The following SLC25A12 variants were observed in gnomAD, a reference collection of about 807,000 sequenced individuals.
SLC25A12 encodes electrogenic aspartate/glutamate antiporter SLC25A12, mitochondrial.
Under a neutral mutation model 83.3 loss-of-function variants are expected in SLC25A12, and 32 were observed. The observed-to-expected ratio is 0.38, with a 90% CI of 0.29 to 0.52. The LOEUF (loss-of-function observed/expected upper bound fraction) is 0.52. Among genes scored for constraint, SLC25A12 ranks in the 20% least tolerant of loss-of-function variants. The pLI is 0.84. For synonymous variants in SLC25A12, 267 were observed against 291.1 expected (o/e 0.92, Z 0.84); for missense variants, 611 against 835.6 (o/e 0.73, Z 3.31).
intron 13 of SLC25A12, among the ~76,000 whole-genome samples, chr2:171,794,037 G>T (rs1163451922): frequency 6.6e-6 from 1 of 151,938 alleles, no homozygotes; most frequent in African/African-American, 2.4e-5. Flanking sequence ...GTCTTTCCAG[G>T]ATCACCCCAG....
At chr2:171,872,096 C>A (rs1164952702) in intron 2 of SLC25A12, among the ~76,000 whole-genome samples, 1 of 151,728 alleles carries the variant, frequency 6.6e-6, no homozygotes, top group Admixed American at 6.6e-5. Flanking sequence ...ACTATAAAAG[C>A]CATTCTTGAA....
intron 9 of SLC25A12, among the ~76,000 whole-genome samples, chr2:171,817,193 T>G (rs1052118144): frequency 5.9e-5 from 9 of 152,152 alleles, no homozygotes; most frequent in Admixed American, 5.2e-4. Context: ...CTAAACCACC[T>G]ATGGTAATTT....
At chr2:171,862,788 C>G (rs1441825920) in intron 3 of SLC25A12, among the ~76,000 whole-genome samples, 1 of 152,132 alleles carries the variant, frequency 6.6e-6, no homozygotes, top group Non-Finnish European at 1.5e-5. Context: ...ATGATAGAAC[C>G]AAGGAACACA....
intron 4 of SLC25A12, among the ~76,000 whole-genome samples, chr2:171,852,114 A>C (rs1339090300): frequency 6.6e-6 from 1 of 152,216 alleles, no homozygotes; most frequent in Non-Finnish European, 1.5e-5. Flanking sequence ...ATCAAAGAGG[A>C]AACAATTAAC....
intron 9 of SLC25A12, among the ~76,000 whole-genome samples, chr2:171,816,824 T>C (rs1215058834): frequency 6.6e-6 from 1 of 152,218 alleles, no homozygotes; most frequent in East Asian, 1.9e-4. Flanking sequence ...TGATATTTAA[T>C]CTCATATACT....
Position 171,816,473 on chromosome 2 carries a change from T to C in SLC25A12, c.931-1271A>G, listed in dbSNP as rs181101769. On this transcript the variant is annotated intron_variant, in intron 9 of 17. Transcript: ENST00000422440. ...CATAACCTATGCACATCCTCTTGTA[T>C]TCTTTAAATCATCTCTACATTACTT... Among the ~76,000 whole-genome samples the C allele has an allele frequency of 2.5e-3, 375 of 152,322 alleles. 1 individual carries two copies. The highest frequency in any genetic ancestry group is 4.2e-3 in the Non-Finnish European group (288 of 68,022).
chr2:171,828,671 C>T (rs1292291231), intron 8 of SLC25A12, among the ~76,000 whole-genome samples: 3 of 152,164 alleles, frequency 2.0e-5, no homozygotes, highest in Non-Finnish European at 4.4e-5. Context: ...CCAAAATCTA[C>T]CTTTCCCCCC....
In SLC25A12 at chr2:171,866,540, C is replaced by A. The variant is rs1469058762; in HGVS notation, c.209+2141G>T. ...TCACTTCCCAGTAGGGGCGGCCGGG[C>A]AGAGGCGCCCCTCACCTCCCGAACC... On this transcript the variant is annotated intron_variant, in intron 3 of 17. Transcript: ENST00000422440. Among the ~76,000 whole-genome samples the A allele has an allele frequency of 4.2e-5, 6 of 141,434 alleles. No homozygotes were observed. The East Asian group carries it at 8.9e-4, about 21-fold the overall frequency. 92.8% of individuals were successfully genotyped at this position (141,434 alleles called of 152,430 possible).
chr2:171,786,328 G>T (rs547046681), intron 17 of SLC25A12, among the ~76,000 whole-genome samples: 1 of 147,246 alleles, frequency 6.8e-6, no homozygotes, highest in African/African-American at 2.5e-5. Context: ...AGGTTGCAGT[G>T]AGCCGAGATC....
intron 13 of SLC25A12, among the ~76,000 whole-genome samples, chr2:171,807,668 G>T (rs917602392): frequency 1.2e-4 from 19 of 152,118 alleles, no homozygotes; most frequent in African/African-American, 3.6e-4. Flanking sequence ...GCAAAGGTTC[G>T]CTCTCTAGAT....
At chr2:171,876,543 T>TGGGCG (rs1553477081) in intron 2 of SLC25A12, among the ~76,000 whole-genome samples, 2 of 29,584 alleles carry the variant, frequency 6.8e-5, no homozygotes, top group African/African-American at 1.7e-4. Context: ...TTTTTTTTTT[T>TGGGCG]GGGGGGGGGG....
At chr2:171,824,565 G>C (rs2105876315) in intron 9 of SLC25A12, among the ~76,000 whole-genome samples, 1 of 152,206 alleles carries the variant, frequency 6.6e-6, no homozygotes, top group East Asian at 1.9e-4. Flanking sequence ...ATCTTCTTTT[G>C]AAATGCAATT....
In SLC25A12 at chr2:171,813,737, G is replaced by A. The variant is rs76227433; in HGVS notation, c.1013-240C>T. Among the ~76,000 whole-genome samples, 27 of 152,264 alleles carry A rather than the reference G, an allele frequency of 1.8e-4. No individual in the cohort carries two copies. The East Asian group carries it at 4.6e-3, about 26-fold the overall frequency. ...ACTGTCAAGAATGCTCTTTGATATCGTAGGTTCATAAACTACAGAGTGGAT... is the reference window on the plus strand; with the variant it reads ...ACTGTCAAGAATGCTCTTTGATATCATAGGTTCATAAACTACAGAGTGGAT... On this transcript the variant is annotated intron_variant, in intron 10 of 17. Transcript: ENST00000422440.
At chr2:171,869,001 A>G (rs1685403975) in intron 2 of SLC25A12, among the ~76,000 whole-genome samples, 178 bp from the exon 3 acceptor site, 1 of 152,222 alleles carries the variant, frequency 6.6e-6, no homozygotes, top group African/African-American at 2.4e-5. Context: ...ATTTAAAAAC[A>G]TTTTATAGTA....
chr2:171,855,424 A>G (rs761496931), intron 4 of SLC25A12, among the ~76,000 whole-genome samples: 1 of 152,186 alleles, frequency 6.6e-6, no homozygotes, highest in African/African-American at 2.4e-5. Flanking sequence ...TGGTGTTACA[A>G]TGACATAGTA....
intron 5 of SLC25A12, among the ~76,000 whole-genome samples, chr2:171,843,929 A>G (rs949523562): frequency 1.9e-4 from 28 of 150,816 alleles, no homozygotes; most frequent in Non-Finnish European, 2.9e-4. Context: ...CCAAGTAGCT[A>G]GGACTACAGG....
chr2:171,842,388 T>C (rs1255806816), intron 5 of SLC25A12, among the ~76,000 whole-genome samples: 1 of 151,652 alleles, frequency 6.6e-6, no homozygotes, highest in Non-Finnish European at 1.5e-5. Context: ...AGGTCAGGAG[T>C]TCGAGACTAG....
At chr2:171,874,085 G>C (rs192568299) in intron 2 of SLC25A12, among the ~76,000 whole-genome samples, 77 of 152,280 alleles carry the variant, frequency 5.1e-4, no homozygotes, top group Non-Finnish European at 7.2e-4. Context: ...AATTAGACGG[G>C]TGTGGTGGCG....
At chr2:171,822,360 CT>C (rs1469045501) in intron 9 of SLC25A12, among the ~76,000 whole-genome samples, 1 of 152,084 alleles carries the variant, frequency 6.6e-6, no homozygotes, top group Non-Finnish European at 1.5e-5. Flanking sequence ...CATAACAATC[CT>C]ATAAAGATGC....
Sources: allele counts gnomAD v4.1 joint callset (sites outside exome capture counted in the v4.1 genomes callset), GRCh38; gene constraint gnomAD v4.1.1; transcripts MANE v1.5; gene names NCBI Gene and HGNC (gene_info 2026-07-23, HGNC 2026-07-21).